The following CDKAL1 variants were observed in gnomAD, a reference collection of about 807,000 sequenced individuals.
CDKAL1 encodes threonylcarbamoyladenosine tRNA methylthiotransferase.
In CDKAL1, 32 loss-of-function variants were observed where a neutral mutation model predicts 68.2. That is an observed-to-expected ratio of 0.47 (90% CI 0.35 to 0.63). The LOEUF is 0.63. Among genes scored for constraint, CDKAL1 ranks in the 30% least tolerant of loss-of-function variants. The pLI, the probability that CDKAL1 is intolerant of heterozygous loss-of-function variation, is 0.00. For synonymous variants in CDKAL1, 234 were observed against 244.3 expected, an observed-to-expected ratio of 0.96 and a Z score of 0.39; for missense variants, 606 against 696.7, an observed-to-expected ratio of 0.87 and a Z score of 1.47.
intron 9 of CDKAL1, among the ~76,000 whole-genome samples, chr6:20,866,932 T>C (rs534744451): frequency 1.3e-5 from 2 of 152,350 alleles, no homozygotes; most frequent in East Asian, 3.9e-4. Context: ...ATATAAAATA[T>C]TCCTTTTGCA....
At chr6:20,895,546 C>T (rs1761635676) in intron 9 of CDKAL1, among the ~76,000 whole-genome samples, 1 of 152,146 alleles carries the variant, frequency 6.6e-6, no homozygotes, top group South Asian at 2.1e-4. Context: ...ACTCAAATGC[C>T]TTACATCTTT....
At chr6:21,150,206 T>C (rs1408564955) in intron 13 of CDKAL1, among the ~76,000 whole-genome samples, 2 of 152,138 alleles carry the variant, frequency 1.3e-5, no homozygotes, top group Non-Finnish European at 2.9e-5. Flanking sequence ...ATCTAAAAAT[T>C]TCCCACATAA....
chr6:20,705,827 C>T (rs1204760534), intron 5 of CDKAL1, among the ~76,000 whole-genome samples: 1 of 152,254 alleles, frequency 6.6e-6, no homozygotes, highest in East Asian at 1.9e-4. Flanking sequence ...ATATCAGTAG[C>T]ACAGCCATTC....
chr6:20,832,113 TAAG>T (rs575784424), intron 8 of CDKAL1, among the ~76,000 whole-genome samples: 322 of 152,310 alleles, frequency 2.1e-3, no homozygotes, highest in Non-Finnish European at 3.5e-3. Context: ...TGAACTCAAA[TAAG>T]AAGATTTCTC....
chr6:21,077,033 A>G (rs1296232500), intron 12 of CDKAL1, among the ~76,000 whole-genome samples: 1 of 152,178 alleles, frequency 6.6e-6, no homozygotes, highest in Non-Finnish European at 1.5e-5. Flanking sequence ...TTTTATACAG[A>G]GGATATTTAT....
chr6:21,154,566 G>T (rs1322636356), intron 13 of CDKAL1, among the ~76,000 whole-genome samples: 1 of 152,136 alleles, frequency 6.6e-6, no homozygotes, highest in Non-Finnish European at 1.5e-5. Context: ...GTGTAACTAG[G>T]TCTTTTGATA....
chr6:21,095,648 G>T (rs1773279624), intron 12 of CDKAL1, among the ~76,000 whole-genome samples: 1 of 147,284 alleles, frequency 6.8e-6, no homozygotes. Flanking sequence ...TTGGCAAAGA[G>T]CCAACTTCAG....
intron 11 of CDKAL1, among the ~76,000 whole-genome samples, chr6:21,058,847 T>C (rs1770981987): frequency 6.7e-6 from 1 of 149,808 alleles, no homozygotes; most frequent in African/African-American, 2.5e-5. Flanking sequence ...CTGTATAAGG[T>C]GTCTGGTGAC....
intron 9 of CDKAL1, among the ~76,000 whole-genome samples, chr6:20,914,893 T>C (rs1380261550): frequency 6.6e-6 from 1 of 152,232 alleles, no homozygotes; most frequent in East Asian, 1.9e-4. Flanking sequence ...TGCTCACCTC[T>C]AAACTCACGT....
At chr6:20,895,411 T>A (rs1761629335) in intron 9 of CDKAL1, among the ~76,000 whole-genome samples, 1 of 152,244 alleles carries the variant, frequency 6.6e-6, no homozygotes, top group South Asian at 2.1e-4. Context: ...ATTTTCCACT[T>A]TGGTGGATAT....
chr6:20,582,262 G>C (rs182288507), intron 4 of CDKAL1, among the ~76,000 whole-genome samples: 3 of 152,084 alleles, frequency 2.0e-5, no homozygotes, highest in African/African-American at 7.2e-5. Flanking sequence ...AATTATTTCA[G>C]GTGGCAAACA....
chr6:21,158,513 A>G (rs967311413), intron 13 of CDKAL1, among the ~76,000 whole-genome samples: 2 of 152,228 alleles, frequency 1.3e-5, no homozygotes, highest in Non-Finnish European at 2.9e-5. Flanking sequence ...TCCAAGCCAG[A>G]TAACTACAGC....
rs60241965 is a variant in CDKAL1, at chr6:21,069,774, CTTTTTTTTTTTTTTTTTT to C, written c.1236+4559_1236+4576del. 6.3e-4 allele frequency among the ~76,000 whole-genome samples: 44 copies of C among 69,954 alleles called. 2 individuals are homozygous for C. Among genetic ancestry groups the C allele is most frequent in the African/African-American group, 2.2e-3 (38 of 17,088 alleles). 45.9% of individuals were successfully genotyped at this position (69,954 alleles called of 152,430 possible). On this transcript the variant is annotated intron_variant, in intron 12 of 15. Transcript: ENST00000274695. Reference sequence around the variant, plus strand: ...CAATAAAATCCCCCAGATTTTCTTTCTTTTTTTTTTTTTTTTTTTTTTTTTTTTTTAAAACAGAGCCTT... The same window carrying C: ...CAATAAAATCCCCCAGATTTTCTTTCTTTTTTTTTTTTAAAACAGAGCCTT...
intron 15 of CDKAL1, among the ~76,000 whole-genome samples, chr6:21,211,681 C>T (rs1779154167): frequency 6.6e-6 from 1 of 152,156 alleles, no homozygotes; most frequent in South Asian, 2.1e-4. Flanking sequence ...CTAGAAAATA[C>T]CTACTTTTGT....
At chr6:20,869,820 A>G (rs1760106965) in intron 9 of CDKAL1, among the ~76,000 whole-genome samples, 2 of 152,196 alleles carry the variant, frequency 1.3e-5, no homozygotes, top group Admixed American at 6.5e-5. Context: ...TATTCATATA[A>G]CACAAATAGT....
intron 4 of CDKAL1, chr6:20,558,628 T>C (rs529778277): frequency 1.2e-4 from 56 of 456,090 alleles, no homozygotes; most frequent in Middle Eastern, 9.8e-4. Context: ...TAAGAAGGAA[T>C]TGAGTTAAGA....
intron 11 of CDKAL1, among the ~76,000 whole-genome samples, chr6:21,020,774 CTTTT>C (rs60084439): frequency 7.5e-6 from 1 of 132,828 alleles, no homozygotes. Context: ...GCCTTTTTTC[CTTTT>C]TTTTTTTTTT....
chr6:20,966,148 C>T (rs923757348), intron 10 of CDKAL1, among the ~76,000 whole-genome samples: 7 of 152,120 alleles, frequency 4.6e-5, no homozygotes, highest in Non-Finnish European at 8.8e-5. Flanking sequence ...GGACATTCTG[C>T]ATATTTGTCA....
At chr6:21,078,758 T>G (rs1489818538) in intron 12 of CDKAL1, among the ~76,000 whole-genome samples, 1 of 152,184 alleles carries the variant, frequency 6.6e-6, no homozygotes, top group Non-Finnish European at 1.5e-5. Flanking sequence ...ACTTAGCATT[T>G]AAGCCTCTCT....
Sources: gnomAD v4.1 joint callset for allele counts (sites outside exome capture counted in the v4.1 genomes callset) on GRCh38, gnomAD v4.1.1 for gene constraint, MANE v1.5 for transcripts, NCBI Gene and HGNC (gene_info 2026-07-23, HGNC 2026-07-21) for gene names.